CYP11A1: variants seen among roughly 807,000 people sequenced by gnomAD.
CYP11A1 encodes the protein cholesterol side-chain cleavage enzyme, mitochondrial.
CYP11A1 carries 25 observed loss-of-function variants against 51.9 expected under a neutral mutation model. The observed-to-expected ratio is 0.48, with a 90% CI of 0.35 to 0.67. The LOEUF (loss-of-function observed/expected upper bound fraction) is 0.67, where lower values mean the gene tolerates loss of function less well. Ranked by LOEUF, CYP11A1 falls within the 30% of genes least tolerant of loss-of-function variation. The pLI, the probability that CYP11A1 is intolerant of heterozygous loss-of-function variation, is 0.00. For synonymous variants in CYP11A1, 245 were observed against 262.1 expected, an observed-to-expected ratio of 0.93 and a Z score of 0.63; for missense variants, 578 against 680.9, an observed-to-expected ratio of 0.85 and a Z score of 1.68.
chr15:74,339,543 C>A, intron 6 of CYP11A1, 44 bp downstream of exon 6: 1 of 1,604,216 alleles, frequency 6.2e-7, no homozygotes, highest in Non-Finnish European at 8.5e-7. Flanking sequence ...CTGGCCCTGC[C>A]CAGGGATTGG....
At position 74,342,957 on chromosome 15, in the gene CYP11A1, C is replaced by T. The variant is rs755626265; in HGVS notation, c.990+20G>A. The stretch of plus-strand genomic sequence containing the variant: ...GTGGGCACAGGGGGCAACAAGGTGC[C>T]GCCCCTACAGCCACCTCACCGTGTC... On this transcript the variant is annotated intron_variant, in intron 5 of 8. Transcript: ENST00000268053. The T allele has an allele frequency of 5.6e-6, 9 of 1,611,496 alleles. No individual in the cohort carries two copies. The African/African-American group carries it at 6.7e-5, about 12-fold the overall frequency.
Position 74,367,453 on chromosome 15 carries a change from G to C in CYP11A1, c.133C>G (p.Pro45Ala). Reference protein sequence around the residue: ...GEGAGISTRSPRPFNEIPSPG... With the variant: ...GEGAGISTRSARPFNEIPSPG... ...GAGGGGATCTCATTGAAGGGGCGAG[G>C]ACTGCGGGTGGAGATGCCAGCTCCC... is the stretch of plus-strand genomic sequence containing the variant. The change falls in exon 1 of 9, where the codon CCT (proline) becomes GCT (alanine). Residue 45 changes from proline (P) to alanine (A), a missense_variant. Physicochemically the swap from Pro to Ala is conservative, Grantham distance 27 (BLOSUM62 -1). Transcript: ENST00000268053. 6.2e-7 allele frequency: 1 copy of C among 1,614,238 alleles called. No individual in the cohort carries two copies. Among genetic ancestry groups the C allele is most frequent in the Non-Finnish European group, 8.5e-7 (1 of 1,180,048 alleles).
Position 74,345,199 on chromosome 15 carries a change from T to C in CYP11A1, c.470A>G (p.Glu157Gly). ...CTTGGTGGCCTCTGGAGCCATCACCTCCTGGTTCAGGGCCACCCGGTCTTT... is the reference window on the plus strand; with the variant it reads ...CTTGGTGGCCTCTGGAGCCATCACCCCCTGGTTCAGGGCCACCCGGTCTTT... ...WKKDRVALNQ[E>G]VMAPEATKNF... is the part of the protein sequence containing the mutation. The change falls in exon 3 of 9, where the codon GAG becomes GGG. Residue 157 changes from glutamate to glycine, a missense_variant. Transcript: ENST00000268053. This position sits in a 1 kb window ranked among gnomAD's most constrained non-coding sequence, Gnocchi z 4.3. 1 of 1,614,118 alleles carries C rather than the reference T, an allele frequency of 6.2e-7. No individual in the cohort carries two copies. The highest frequency in any genetic ancestry group is 1.6e-4 in the Middle Eastern group (1 of 6,062).
rs150615098 is a variant in CYP11A1 at position 74,338,119 on chromosome 15, G to C, written c.1435-16C>G. On this transcript the variant is annotated splice_polypyrimidine_tract_variant and intron_variant, in intron 8 of 8. Coordinates refer to ENST00000268053, the MANE Select transcript of CYP11A1 (RefSeq NM_000781.3). ...TCTCCAGCATCTGAGAAAGGCAGAT[G>C]GTAGGTTTAGGGGAGGGCAGGGGAG... 6.2e-7 allele frequency: 1 copy of C among 1,614,146 alleles called. No homozygotes were observed.
chr15:74,366,236 C>T, intron 1 of CYP11A1: 9 of 983,710 alleles, frequency 9.1e-6, no homozygotes, highest in Non-Finnish European at 1.1e-5. Context: ...ACGCTGCGAC[C>T]TTTTCACTCT....
intron 5 of CYP11A1, among the ~76,000 whole-genome samples, chr15:74,340,034 G>A (rs1334027339): frequency 6.6e-6 from 1 of 152,224 alleles, no homozygotes; most frequent in Non-Finnish European, 1.5e-5. Context: ...TGTCCACAGT[G>A]AGTAGAGTGT....
chr15:74,351,249 G>C (rs1191922237), intron 1 of CYP11A1, among the ~76,000 whole-genome samples: 1 of 152,102 alleles, frequency 6.6e-6, no homozygotes, highest in Non-Finnish European at 1.5e-5. Context: ...TTGAGGCTGG[G>C]GTCACCAGTA....
At chr15:74,341,950 T>C (rs966991083) in intron 5 of CYP11A1, among the ~76,000 whole-genome samples, 3 of 152,174 alleles carry the variant, frequency 2.0e-5, no homozygotes, top group African/African-American at 7.2e-5. Context: ...ACCTTGACCT[T>C]GAACTTCCAG....
chr15:74,347,821 C>A, intron 2 of CYP11A1, 79 bp downstream of exon 2: 1 of 1,514,302 alleles, frequency 6.6e-7, no homozygotes, highest in Non-Finnish European at 9.1e-7. Flanking sequence ...CTGGCCTCAG[C>A]CCCTCACCCC....
At chr15:74,357,261 G>A (rs940879645) in intron 1 of CYP11A1, among the ~76,000 whole-genome samples, 4 of 151,906 alleles carry the variant, frequency 2.6e-5, no homozygotes, top group African/African-American at 9.7e-5. Flanking sequence ...CACCCATCAG[G>A]CTCAGCAAAT....
In CYP11A1 at chr15:74,337,840, G is replaced by T; in HGVS notation, c.*132C>A. On this transcript the variant is annotated 3_prime_UTR_variant, in exon 9 of 9. Transcript: ENST00000268053. ...CTGAGCTGAGGAAGGTGACCACTGA[G>T]AACCCATTCAACCTGCTGAGCAGGC... The T allele has an allele frequency of 1.6e-6, 2 of 1,214,862 alleles. No homozygotes were observed. Among genetic ancestry groups the T allele is most frequent in the South Asian group, 1.3e-5 (1 of 78,404 alleles). The allele number at this position is 1,214,862 out of a possible 1,614,324, so 75.3% of individuals were successfully genotyped here.
intron 6 of CYP11A1, 71 bp from the exon 7 acceptor site, chr15:74,339,386 G>A: frequency 2.0e-6 from 3 of 1,520,246 alleles, no homozygotes; most frequent in Non-Finnish European, 2.7e-6. Flanking sequence ...CCCACACCCT[G>A]TGTGGCATCT....
chr15:74,366,007 G>C, intron 1 of CYP11A1: 1 of 986,326 alleles, frequency 1.0e-6, no homozygotes, highest in Non-Finnish European at 1.2e-6. Flanking sequence ...CCTCCGCGGG[G>C]CCGAGCGCCT....
At chr15:74,360,681 T>C (rs2060704386) in intron 1 of CYP11A1, among the ~76,000 whole-genome samples, 1 of 151,290 alleles carries the variant, frequency 6.6e-6, no homozygotes, top group Non-Finnish European at 1.5e-5. Context: ...GGCAGGTGGA[T>C]CACCTAAGGT....
At chr15:74,344,261 G>A (rs572782706) in intron 3 of CYP11A1, among the ~76,000 whole-genome samples, 57 of 152,354 alleles carry the variant, frequency 3.7e-4, no homozygotes, top group African/African-American at 1.3e-3. Context: ...GCAGAGCTGA[G>A]AGAGGGCCTA....
intron 8 of CYP11A1, 69 bp from the exon 9 acceptor site, chr15:74,338,172 A>G (rs2141229817): frequency 6.3e-7 from 1 of 1,587,912 alleles, no homozygotes; most frequent in East Asian, 2.2e-5. Context: ...AGGCCAATTC[A>G]CCCATAGGCA....
intron 1 of CYP11A1, 110 bp downstream of exon 1, chr15:74,367,207 A>C: frequency 7.4e-6 from 8 of 1,079,462 alleles, no homozygotes; most frequent in Admixed American, 2.1e-5. Context: ...GAAGTTAGAC[A>C]GGAGTTTGGA....
chr15:74,355,325 G>A (rs2060674325), intron 1 of CYP11A1, among the ~76,000 whole-genome samples: 2 of 152,174 alleles, frequency 1.3e-5, no homozygotes, highest in South Asian at 2.1e-4. Context: ...CGGCACTTTC[G>A]ATTTCTCCAT....
intron 1 of CYP11A1, chr15:74,363,782 A>G (rs1311925550): frequency 6.6e-6 from 1 of 152,226 alleles, no homozygotes; most frequent in Non-Finnish European, 1.5e-5. Context: ...GAAACCCAAA[A>G]TGATGGTAAC....
Sources: gnomAD v4.1 joint callset for allele counts (sites outside exome capture counted in the v4.1 genomes callset) on GRCh38, gnomAD v4.1.1 for gene constraint, Gnocchi (gnomAD v3.1) non-coding constraint, MANE v1.5 for transcripts, NCBI Gene and HGNC (gene_info 2026-07-23, HGNC 2026-07-21) for gene names.